Variants in SCAPER observed in about 807,000 individuals in gnomAD.
The protein encoded by SCAPER is S phase cyclin A-associated protein in the endoplasmic reticulum.
Under a neutral mutation model 182.2 loss-of-function variants are expected in SCAPER, and 98 were observed. The observed-to-expected ratio is 0.54, with a 90% CI of 0.46 to 0.64. The LOEUF (loss-of-function observed/expected upper bound fraction) is 0.64, where lower values mean the gene tolerates loss of function less well. SCAPER is among the 30% of genes least tolerant of loss of function. SCAPER has a pLI of 0.00. For missense variants in SCAPER, 1,432 were observed against 1,690.0 expected, an observed-to-expected ratio of 0.85 and a Z score of 2.68; for synonymous variants, 605 against 564.6, an observed-to-expected ratio of 1.07 and a Z score of -1.01.
chr15:76,888,151 C>T (rs555345414), intron 1 of SCAPER, among the ~76,000 whole-genome samples: 1 of 152,294 alleles, frequency 6.6e-6, no homozygotes, highest in South Asian at 2.1e-4. Context: ...AAAAGGACAT[C>T]CACACCAAAA....
chr15:76,497,757 C>T (rs1490235857), intron 24 of SCAPER, among the ~76,000 whole-genome samples: 1 of 151,782 alleles, frequency 6.6e-6, no homozygotes, highest in African/African-American at 2.4e-5. Flanking sequence ...CTTTGGGAGG[C>T]CGAGGTGGGT....
At chr15:76,633,378 T>C (rs1264678798) in intron 21 of SCAPER, among the ~76,000 whole-genome samples, 2 of 152,176 alleles carry the variant, frequency 1.3e-5, no homozygotes, top group Admixed American at 6.5e-5. Flanking sequence ...GCGAACTCTA[T>C]TGGGACATCT....
intron 25 of SCAPER, among the ~76,000 whole-genome samples, chr15:76,443,397 C>T (rs2047757562): frequency 5.3e-5 from 8 of 152,130 alleles, no homozygotes; most frequent in Admixed American, 5.2e-4. Context: ...CAAGAACAAA[C>T]ATCAAATTTA....
intron 29 of SCAPER, among the ~76,000 whole-genome samples, chr15:76,358,709 C>A (rs1442869957): frequency 6.6e-6 from 1 of 152,248 alleles, no homozygotes; most frequent in Admixed American, 6.5e-5. Flanking sequence ...AACTACATTG[C>A]AGGTTAGGGC....
At chr15:76,639,360 C>G (rs2053913173) in intron 21 of SCAPER, among the ~76,000 whole-genome samples, 1 of 152,186 alleles carries the variant, frequency 6.6e-6, no homozygotes, top group Admixed American at 6.5e-5. Flanking sequence ...CAACCCTCCC[C>G]TATTATATCA....
At chr15:76,645,809 G>C (rs1187664010) in intron 21 of SCAPER, among the ~76,000 whole-genome samples, 1 of 152,062 alleles carries the variant, frequency 6.6e-6, no homozygotes, top group Non-Finnish European at 1.5e-5. Context: ...AATTCCTTAA[G>C]ATCACAAAGT....
rs8028406 is a variant in SCAPER, at chr15:76,478,020, C to T, written c.2955-6685G>A. ...CTGCCAAACTTTTCCTTTAGGACCT[C>T]TGAGATTCCTGTCAGACTTAGAAAG... is the stretch of plus-strand genomic sequence containing the variant. On this transcript the variant is annotated intron_variant, in intron 24 of 31. Transcript: ENST00000563290. Among the ~76,000 whole-genome samples, 1,232 of 151,600 alleles carry T rather than the reference C, an allele frequency of 8.1e-3. 10 individuals carry two copies. The highest frequency in any genetic ancestry group is 0.028 in the African/African-American group (1,168 of 41,398).
At chr15:76,601,867 A>C (rs2049954122) in intron 22 of SCAPER, among the ~76,000 whole-genome samples, 1 of 121,404 alleles carries the variant, frequency 8.2e-6, no homozygotes, top group African/African-American at 2.5e-5. Flanking sequence ...CCCTTGGTAT[A>C]TGTGTGAGAT....
At chr15:76,525,231 T>C (rs755965681) in intron 23 of SCAPER, among the ~76,000 whole-genome samples, 1 of 152,142 alleles carries the variant, frequency 6.6e-6, no homozygotes, top group Non-Finnish European at 1.5e-5. Context: ...TAGTAACCTA[T>C]TGAAAATCTT....
At chr15:76,633,227 T>A (rs2053292289) in intron 21 of SCAPER, among the ~76,000 whole-genome samples, 1 of 152,182 alleles carries the variant, frequency 6.6e-6, no homozygotes, top group African/African-American at 2.4e-5. Context: ...GCTATTTCCC[T>A]GGGTCCTTCC....
chr15:76,400,104 G>A (rs140530240), intron 27 of SCAPER, among the ~76,000 whole-genome samples: 6 of 152,234 alleles, frequency 3.9e-5, no homozygotes, highest in Middle Eastern at 3.4e-3. Flanking sequence ...GCAGACTAGC[G>A]GTAATCACCA....
At chr15:76,628,955 T>C (rs183153056) in intron 21 of SCAPER, among the ~76,000 whole-genome samples, 9 of 152,356 alleles carry the variant, frequency 5.9e-5, no homozygotes, top group Admixed American at 2.0e-4. Flanking sequence ...CTTTGGGCAG[T>C]GGTTTGTAAT....
chr15:76,796,710 T>C (rs112761825), intron 7 of SCAPER, among the ~76,000 whole-genome samples: 72 of 152,322 alleles, frequency 4.7e-4, no homozygotes, highest in African/African-American at 1.6e-3. Context: ...CCATACACTA[T>C]ACAATACTCT....
chr15:76,867,659 G>A (rs527892884), intron 2 of SCAPER, among the ~76,000 whole-genome samples: 69 of 152,248 alleles, frequency 4.5e-4, no homozygotes, highest in African/African-American at 1.5e-3. Context: ...AAGTCTTACC[G>A]AGTCTATCTC....
rs77888064 is a variant in SCAPER at position 76,884,691 on chromosome 15, C to T, written c.-59-815G>A. Among the ~76,000 whole-genome samples, 423 of 152,150 alleles carry T rather than the reference C, an allele frequency of 2.8e-3. 1 individual carries two copies. Among genetic ancestry groups the T allele is most frequent in the African/African-American group, 9.7e-3 (404 of 41,490 alleles). Reference sequence around the variant, plus strand: ...AATGCAGTACCAGTAAACATATGTCCGGATAAAAATTTATATGCAAATGTT... The same window carrying T: ...AATGCAGTACCAGTAAACATATGTCTGGATAAAAATTTATATGCAAATGTT... On this transcript the variant is annotated intron_variant, in intron 1 of 31. Transcript: ENST00000563290.
chr15:76,526,370 C>T (rs1014152848), intron 23 of SCAPER, among the ~76,000 whole-genome samples: 2 of 152,182 alleles, frequency 1.3e-5, no homozygotes, highest in African/African-American at 4.8e-5. Flanking sequence ...GTACATTTTA[C>T]ATAATCTGTC....
At chr15:76,786,652 C>T (rs1329885459) in intron 8 of SCAPER, among the ~76,000 whole-genome samples, 2 of 151,780 alleles carry the variant, frequency 1.3e-5, no homozygotes, top group African/African-American at 2.4e-5. Flanking sequence ...CTAGACAGTG[C>T]CACAAAAAAC....
At chr15:76,783,599 A>G (rs1395244095) in intron 8 of SCAPER, among the ~76,000 whole-genome samples, 2 of 152,118 alleles carry the variant, frequency 1.3e-5, no homozygotes, top group African/African-American at 2.4e-5. Context: ...AGAATTTTAG[A>G]CCAATCTCCC....
chr15:76,370,485 A>G lies in SCAPER; in HGVS notation c.3855+5677T>C, dbSNP rs1276363242. ...GCACCTGACTGATTTTTGTATTTTT[A>G]GTAGAGATGGGGTTTTGCCATGTTG... On this transcript the variant is annotated intron_variant, in intron 29 of 31. Coordinates refer to ENST00000563290, the MANE Select transcript of SCAPER (RefSeq NM_020843.4). Among the ~76,000 whole-genome samples the G allele has an allele frequency of 2.0e-5, 3 of 151,866 alleles. No homozygotes were observed. The East Asian group carries it at 5.8e-4, about 29-fold the overall frequency.
Sources: gnomAD v4.1 joint callset for allele counts (sites outside exome capture counted in the v4.1 genomes callset) on GRCh38, gnomAD v4.1.1 for gene constraint, MANE v1.5 for transcripts, NCBI Gene and HGNC (gene_info 2026-07-23, HGNC 2026-07-21) for gene names.